The following TENM1 variants were observed in gnomAD, a reference collection of about 807,000 sequenced individuals.
TENM1 encodes teneurin-1.
TENM1 carries 35 observed loss-of-function variants against 174.8 expected under a neutral mutation model. The ratio of observed to expected loss-of-function variants is 0.20; its 90% confidence interval spans 0.15 to 0.27. TENM1 has a LOEUF of 0.27. Ranked by LOEUF, TENM1 falls within the 10% of genes least tolerant of loss-of-function variation. The pLI is 1.00. For synonymous variants in TENM1, 781 were observed against 798.7 expected, an observed-to-expected ratio of 0.98 and a Z score of 0.37; for missense variants, 1,633 against 2,130.1, an observed-to-expected ratio of 0.77 and a Z score of 4.59.
chrX:124,510,621 C>T (rs2047558640), intron 18 of TENM1, among the ~76,000 whole-genome samples: 1 of 111,825 alleles, frequency 8.9e-6, no homozygotes, highest in African/African-American at 3.2e-5. Flanking sequence ...GTCATAAATG[C>T]TGATTTGGAA....
chrX:124,709,531 C>T (rs867552961), intron 4 of TENM1, among the ~76,000 whole-genome samples: 6 of 108,543 alleles, frequency 5.5e-5, no homozygotes, highest in Middle Eastern at 4.7e-3. Flanking sequence ...GGAAGGGACC[C>T]GCAGAAATCA....
chrX:124,925,266 C>A (rs2058076903), intron 1 of TENM1, among the ~76,000 whole-genome samples: 1 of 110,536 alleles, frequency 9.0e-6, no homozygotes, highest in Non-Finnish European at 1.9e-5. Flanking sequence ...ATATTCACTT[C>A]AATATTATGA....
At chrX:124,908,534 G>A (rs1328699982) in intron 1 of TENM1, among the ~76,000 whole-genome samples, 1 of 111,113 alleles carries the variant, frequency 9.0e-6, no homozygotes, top group East Asian at 2.8e-4. Context: ...AGTATTCCAT[G>A]ATATATATGT....
chrX:125,187,192 G>A, the TENM1 span, among the ~76,000 whole-genome samples: 220 of 112,409 alleles, frequency 2.0e-3, 2 homozygotes, highest in African/African-American at 6.8e-3. Flanking sequence ...TCAGGGAGGC[G>A]GAGGTTGCAG....
chrX:125,116,684 C>T, the TENM1 span, among the ~76,000 whole-genome samples: 1 of 112,329 alleles, frequency 8.9e-6, no homozygotes, highest in Non-Finnish European at 1.9e-5. Flanking sequence ...CAATGAGATA[C>T]CATCTCCTGC....
At chrX:124,840,700 C>T (rs1037909991) in intron 3 of TENM1, among the ~76,000 whole-genome samples, 1 of 111,813 alleles carries the variant, frequency 8.9e-6, no homozygotes, top group African/African-American at 3.2e-5. Context: ...AGCTGCTGAT[C>T]TGTTTTCGTT....
intron 27 of TENM1, among the ~76,000 whole-genome samples, chrX:124,398,004 G>A (rs1367894952): frequency 9.1e-6 from 1 of 109,376 alleles, no homozygotes; most frequent in Non-Finnish European, 1.9e-5. Context: ...CCAGGCGGGC[G>A]GATCACAAGG....
At chrX:124,846,198 T>G (rs1428017650) in intron 3 of TENM1, among the ~76,000 whole-genome samples, 1 of 110,526 alleles carries the variant, frequency 9.0e-6, no homozygotes, top group Admixed American at 9.7e-5. Context: ...TTTCTTTGAT[T>G]GGGAAGAAAA....
At chrX:125,171,439 G>T in the TENM1 span, among the ~76,000 whole-genome samples, 1 of 110,741 alleles carries the variant, frequency 9.0e-6, no homozygotes, top group African/African-American at 3.3e-5. Flanking sequence ...GCTATGGTCT[G>T]AATGTTTGTG....
At chrX:124,394,097 G>C (rs938907734) in intron 27 of TENM1, among the ~76,000 whole-genome samples, 11 of 111,919 alleles carry the variant, frequency 9.8e-5, no homozygotes, top group African/African-American at 3.6e-4. Flanking sequence ...TTGTAGCTTA[G>C]TGTACTAGAT....
chrX:125,195,739 A>G, the TENM1 span, among the ~76,000 whole-genome samples: 1 of 111,248 alleles, frequency 9.0e-6, no homozygotes, highest in Non-Finnish European at 1.9e-5. Context: ...GCAGTGTGAC[A>G]TTATAGCCCC....
the TENM1 span, among the ~76,000 whole-genome samples, chrX:125,019,002 C>T: frequency 3.6e-5 from 4 of 111,942 alleles, no homozygotes; most frequent in South Asian, 3.7e-4. Context: ...TTGTGTTATA[C>T]TGAAAATGTT....
chrX:124,770,899 T>C (rs2148621717), intron 3 of TENM1, among the ~76,000 whole-genome samples: 1 of 111,888 alleles, frequency 8.9e-6, no homozygotes, highest in South Asian at 3.7e-4. Context: ...TTATTTCACC[T>C]ACATATAGGA....
intron 13 of TENM1, 49 bp from the exon 17 acceptor site, chrX:124,561,866 T>G: frequency 8.7e-7 from 1 of 1,147,525 alleles, no homozygotes; most frequent in East Asian, 3.0e-5. Context: ...AGAATGGGAT[T>G]GGCCAACAAT....
chrX:124,669,445 TATGGG>T (rs1248442184), intron 6 of TENM1, among the ~76,000 whole-genome samples: 2 of 111,733 alleles, frequency 1.8e-5, no homozygotes, highest in African/African-American at 6.5e-5. Flanking sequence ...GAGCTGTATT[TATGGG>T]ATGTGTCTTA....
intron 10 of TENM1, among the ~76,000 whole-genome samples, chrX:124,644,231 G>A (rs1430588707): frequency 1.0e-5 from 1 of 99,653 alleles, no homozygotes; most frequent in Non-Finnish European, 2.0e-5. Flanking sequence ...ATATATGGCA[G>A]ATATAATCAT....
Position 124,483,812 on chromosome X carries a change from C to T in TENM1, c.3717-1848G>A, listed in dbSNP as rs781079020. ...AGATAAGTAGACAGGATATGACTACCATGAGTCCAAGTGTTATGACAGGAG... is the reference window on the plus strand; with the variant it reads ...AGATAAGTAGACAGGATATGACTACTATGAGTCCAAGTGTTATGACAGGAG... On this transcript the variant is annotated intron_variant, in intron 21 of 31. Coordinates refer to ENST00000422452, the Ensembl canonical transcript of TENM1. Among the ~76,000 whole-genome samples, 538 of 111,891 alleles carry T rather than the reference C, an allele frequency of 4.8e-3. 3 individuals carry two copies. Among genetic ancestry groups the T allele is most frequent in the South Asian group, 0.012 (33 of 2,655 alleles).
chrX:124,606,331 T>C (rs1049122683), intron 11 of TENM1, among the ~76,000 whole-genome samples: 10 of 111,523 alleles, frequency 9.0e-5, no homozygotes, highest in Non-Finnish European at 1.9e-4. Context: ...AGAACCTTTA[T>C]CATCCTCATA....
rs189275432 is a variant in TENM1, at chrX:124,903,960, T to C, written c.218-7719A>G. Among the ~76,000 whole-genome samples the C allele has an allele frequency of 9.8e-5, 11 of 111,754 alleles. No homozygotes were observed. The East Asian group carries it at 2.8e-3, about 29-fold the overall frequency. ...AATTTTCTGGCTGGTCATAACTCGT[T>C]GGAACCTGAATCCTTGTTGCCCATT... On this transcript the variant is annotated intron_variant, in intron 1 of 31. Coordinates refer to ENST00000422452, the Ensembl canonical transcript of TENM1.
Sources: gnomAD v4.1 joint callset for allele counts (sites outside exome capture counted in the v4.1 genomes callset) on GRCh38, gnomAD v4.1.1 for gene constraint, MANE v1.5 for transcripts, NCBI Gene and HGNC (gene_info 2026-07-23, HGNC 2026-07-21) for gene names.